The following UNC5B variants were observed in gnomAD, a reference collection of about 807,000 sequenced individuals.
UNC5B encodes netrin receptor UNC5B.
Under a neutral mutation model 103.7 loss-of-function variants are expected in UNC5B, and 56 were observed. The ratio of observed to expected loss-of-function variants is 0.54; its 90% CI spans 0.44 to 0.67. The LOEUF (loss-of-function observed/expected upper bound fraction) is 0.67. Among genes scored for constraint, UNC5B ranks in the 30% least tolerant of loss-of-function variants. The probability of loss-of-function intolerance (pLI) is 0.00; values close to 1 mark genes in which losing one functional copy is unlikely to be tolerated. For missense variants in UNC5B, 1,194 were observed against 1,284.5 expected (o/e 0.93, Z 1.08); for synonymous variants, 577 against 542.0 (o/e 1.06, Z -0.90).
chr10:71,240,544 C>T (rs1003353342), intron 1 of UNC5B, among the ~76,000 whole-genome samples: 9 of 152,228 alleles, frequency 5.9e-5, no homozygotes, highest in East Asian at 1.9e-4. Flanking sequence ...CCCCATCCCT[C>T]GCCCTGTCTT....
intron 8 of UNC5B, among the ~76,000 whole-genome samples, chr10:71,290,527 C>T (rs1845219631): frequency 6.6e-6 from 1 of 152,188 alleles, no homozygotes; most frequent in African/African-American, 2.4e-5. Flanking sequence ...AGAGCCAGGA[C>T]CTTTGGTCCT....
Position 71,244,725 on chromosome 10 carries a change from C to T in UNC5B, c.79+31661C>T, listed in dbSNP as rs572653911. Among the ~76,000 whole-genome samples, 24 of 152,324 alleles carry T rather than the reference C, an allele frequency of 1.6e-4. No homozygotes were observed. The East Asian group carries it at 3.7e-3, about 23-fold the overall frequency. On this transcript the variant is annotated intron_variant, in intron 1 of 16. Coordinates refer to ENST00000335350, the MANE Select transcript of UNC5B (RefSeq NM_170744.5). ...GCTAGGATGTCCGCTTCCGAGAACCCGCGATCTGCAGCCGCTGCCAGCAAG... is the reference window on the plus strand; with the variant it reads ...GCTAGGATGTCCGCTTCCGAGAACCTGCGATCTGCAGCCGCTGCCAGCAAG...
intron 2 of UNC5B, among the ~76,000 whole-genome samples, chr10:71,283,524 G>A (rs990174414): frequency 7.2e-5 from 11 of 152,304 alleles, no homozygotes; most frequent in East Asian, 1.9e-4. Flanking sequence ...CCGGCTGTGC[G>A]TACCTTAACA....
At chr10:71,245,650 G>A (rs913790026) in intron 1 of UNC5B, among the ~76,000 whole-genome samples, 3 of 152,182 alleles carry the variant, frequency 2.0e-5, no homozygotes, top group East Asian at 3.9e-4. Flanking sequence ...TGCCAGCCTC[G>A]CCGTGCCACA....
chr10:71,227,754 C>G, intron 1 of UNC5B, among the ~76,000 whole-genome samples: 1 of 142,824 alleles, frequency 7.0e-6, no homozygotes, highest in African/African-American at 2.7e-5. Flanking sequence ...ACATACATAC[C>G]CTAGTCCTAA....
intron 1 of UNC5B, among the ~76,000 whole-genome samples, chr10:71,276,057 T>C (rs1844763280): frequency 6.6e-6 from 1 of 152,202 alleles, no homozygotes; most frequent in Non-Finnish European, 1.5e-5. Flanking sequence ...AGGAATGGGA[T>C]AAAAATATAT....
chr10:71,238,818 T>C (rs1257357411), intron 1 of UNC5B, among the ~76,000 whole-genome samples: 1 of 152,154 alleles, frequency 6.6e-6, no homozygotes, highest in Admixed American at 6.5e-5. Flanking sequence ...CTTGTTCTGT[T>C]ATCCAGGCTT....
intron 1 of UNC5B, among the ~76,000 whole-genome samples, chr10:71,219,414 C>T (rs1843407294): frequency 6.6e-6 from 1 of 152,152 alleles, no homozygotes; most frequent in African/African-American, 2.4e-5. Context: ...GTCTGATGTT[C>T]GAGGGCAGAA....
chr10:71,292,481 G>T lies in UNC5B; in HGVS notation c.1699G>T (p.Val567Leu). The T allele has an allele frequency of 6.3e-7, 1 of 1,599,186 alleles. No individual in the cohort carries two copies. The highest frequency in any genetic ancestry group is 8.5e-7 in the Non-Finnish European group (1 of 1,172,674). Reference protein sequence around the residue: ...SIPGTGVSLLVPNGAIPQGKF... With the variant: ...SIPGTGVSLLLPNGAIPQGKF... Reference sequence around the variant, plus strand: ...TCTCCCCCTAGGGGTCAGCTTGCTGGTGCCCAATGGAGCCATTCCCCAGGG... The same window carrying T: ...TCTCCCCCTAGGGGTCAGCTTGCTGTTGCCCAATGGAGCCATTCCCCAGGG... Residue 567 changes from valine (V) to leucine (L), a missense_variant, in exon 11 of 17, where the codon GTG becomes TTG. Transcript: ENST00000335350.
intron 1 of UNC5B, among the ~76,000 whole-genome samples, chr10:71,263,080 G>A (rs1844446937): frequency 6.6e-6 from 1 of 152,200 alleles, no homozygotes; most frequent in East Asian, 1.9e-4. Flanking sequence ...GCCAGGTAGG[G>A]GTGGGAAGGC....
Position 71,286,854 on chromosome 10 carries a change from A to C in UNC5B, c.718A>C (p.Thr240Pro). 6.2e-7 allele frequency: 1 copy of C among 1,613,988 alleles called. No homozygotes were observed. Among genetic ancestry groups the C allele is most frequent in the Non-Finnish European group, 8.5e-7 (1 of 1,179,938 alleles). ...GGCCAAACGCCGGAGCACCACTGCC[A>C]CCGTCATCGTCTACGGTGCGGGCCT... ...IVAKRRSTTATVIVYVNGGWS... is the reference protein window; with the variant it reads ...IVAKRRSTTAPVIVYVNGGWS... Residue 240 changes from threonine (T) to proline (P), a missense_variant, in exon 5 of 17, where the codon ACC becomes CCC. By Grantham distance (38) the Thr-to-Pro change is conservative (BLOSUM62 -1). Transcript: ENST00000335350.
chr10:71,271,635 C>T (rs1844647925), intron 1 of UNC5B, among the ~76,000 whole-genome samples: 1 of 152,180 alleles, frequency 6.6e-6, no homozygotes, highest in African/African-American at 2.4e-5. Context: ...CAGCGTGGCC[C>T]CCATAGCCAG....
intron 1 of UNC5B, among the ~76,000 whole-genome samples, chr10:71,240,191 C>A (rs1192936192): frequency 6.6e-6 from 1 of 152,248 alleles, no homozygotes; most frequent in Non-Finnish European, 1.5e-5. Flanking sequence ...CCCCCTCCCC[C>A]CATGGGCATG....
chr10:71,217,766 C>T (rs1390281771), intron 1 of UNC5B: 1 of 152,172 alleles, frequency 6.6e-6, no homozygotes, highest in Non-Finnish European at 1.5e-5. Context: ...CAGAATTTAC[C>T]TTTTCCATCT....
rs368485524 is a variant in UNC5B at position 71,214,137 on chromosome 10, C to T, written c.79+1073C>T. On this transcript the variant is annotated intron_variant, in intron 1 of 16. Transcript: ENST00000335350. ...CCAGGTGGGGACGGGGCCTCCTGCACGGAGTCCTCTCTGAGTTGAGGCTGA... is the reference window on the plus strand; with the variant it reads ...CCAGGTGGGGACGGGGCCTCCTGCATGGAGTCCTCTCTGAGTTGAGGCTGA... Among the ~76,000 whole-genome samples the T allele has an allele frequency of 3.9e-5, 6 of 152,188 alleles. No individual in the cohort carries two copies. In the East Asian group the frequency reaches 9.7e-4, roughly 25 times the overall value.
intron 1 of UNC5B, among the ~76,000 whole-genome samples, chr10:71,261,634 G>A (rs117689315): frequency 4.6e-5 from 7 of 152,136 alleles, no homozygotes; most frequent in Non-Finnish European, 8.8e-5. Context: ...AGTATTAACC[G>A]AGTCCTTCCT....
Position 71,297,837 on chromosome 10 carries a change from C to T in UNC5B, c.2491-72C>T, listed in dbSNP as rs747117816. 108 of 1,502,140 alleles carry T rather than the reference C, an allele frequency of 7.2e-5. 1 individual carries two copies. The highest frequency in any genetic ancestry group is 9.4e-5 in the Non-Finnish European group (104 of 1,111,902). 93.1% of individuals were successfully genotyped at this position (1,502,140 alleles called of 1,614,324 possible). On this transcript the variant is annotated intron_variant, in intron 15 of 16. Coordinates refer to ENST00000335350, the MANE Select transcript of UNC5B (RefSeq NM_170744.5). ...ACTCAAGGCTCAATGAGCTCACAGT[C>T]CAAGGGGAGGGAGGCTGGAGGGCAG...
intron 1 of UNC5B, among the ~76,000 whole-genome samples, chr10:71,219,436 C>T (rs938494563): frequency 8.5e-5 from 13 of 152,230 alleles, no homozygotes; most frequent in African/African-American, 2.6e-4. Context: ...GCATCCAGCA[C>T]GGGAGAAAGA....
At chr10:71,277,729 G>T (rs1844805612) in intron 1 of UNC5B, among the ~76,000 whole-genome samples, 1 of 152,224 alleles carries the variant, frequency 6.6e-6, no homozygotes, top group Non-Finnish European at 1.5e-5. Flanking sequence ...GTGTCAGGGA[G>T]CCCTGGCCTG....
Sources: gnomAD v4.1 joint callset for allele counts (sites outside exome capture counted in the v4.1 genomes callset) on GRCh38, gnomAD v4.1.1 for gene constraint, MANE v1.5 for transcripts, NCBI Gene and HGNC (gene_info 2026-07-23, HGNC 2026-07-21) for gene names.